The following TRPM3 variants were observed in gnomAD, a reference collection of about 807,000 sequenced individuals.
TRPM3 encodes long transient receptor potential channel 3.
A neutral mutation model predicts 181.2 loss-of-function variants in TRPM3; 77 were observed. The ratio of observed to expected loss-of-function variants is 0.42; its 90% CI spans 0.35 to 0.51. TRPM3 has a LOEUF of 0.51. TRPM3 is among the 20% of genes least tolerant of loss of function. TRPM3 has a pLI of 0.01. For missense variants in TRPM3, 1,759 were observed against 2,196.7 expected (o/e 0.80, Z 3.98); for synonymous variants, 745 against 796.4 (o/e 0.94, Z 1.09).
intron 22 of TRPM3, among the ~76,000 whole-genome samples, chr9:70,582,183 T>TGTGTGTGC (rs1554762593): frequency 2.7e-4 from 7 of 26,344 alleles, no homozygotes; most frequent in African/African-American, 4.7e-4. Flanking sequence ...ACCCTGTGCG[T>TGTGTGTGC]GTGTGTGTGT....
chr9:70,790,483 T>C (rs2085106937), intron 6 of TRPM3, among the ~76,000 whole-genome samples: 1 of 152,142 alleles, frequency 6.6e-6, no homozygotes, highest in Admixed American at 6.6e-5. Context: ...AGCTCCAGGG[T>C]TATGTGATTT....
chr9:70,575,153 C>T (rs1936671787), intron 22 of TRPM3, among the ~76,000 whole-genome samples: 1 of 148,442 alleles, frequency 6.7e-6, no homozygotes, highest in Non-Finnish European at 1.5e-5. Flanking sequence ...CGTATATTTC[C>T]AGGCTGGTCT....
At chr9:70,754,140 G>C (rs1749141254) in intron 8 of TRPM3, among the ~76,000 whole-genome samples, 1 of 152,180 alleles carries the variant, frequency 6.6e-6, no homozygotes, top group South Asian at 2.1e-4. Flanking sequence ...GGAGCTCCAG[G>C]AGGCAGCAGC....
At chr9:71,301,894 T>C (rs2086810976) in intron 1 of TRPM3, among the ~76,000 whole-genome samples, 1 of 152,168 alleles carries the variant, frequency 6.6e-6, no homozygotes, top group Admixed American at 6.5e-5. Context: ...TTCCTTTCTA[T>C]TTCTGTGGAA....
intron 1 of TRPM3, among the ~76,000 whole-genome samples, chr9:70,900,441 A>G (rs1329471738): frequency 6.6e-6 from 1 of 152,210 alleles, no homozygotes; most frequent in Non-Finnish European, 1.5e-5. Flanking sequence ...AATTCAAGGC[A>G]CAAACAAGGA....
At chr9:71,101,441 C>T (rs1298888282) in intron 1 of TRPM3, among the ~76,000 whole-genome samples, 1 of 152,000 alleles carries the variant, frequency 6.6e-6, no homozygotes, top group Non-Finnish European at 1.5e-5. Context: ...TTCTAATGAC[C>T]GAAGGGAAGG....
At position 71,224,242 on chromosome 9, in the gene TRPM3, A is replaced by T. The variant is rs1354446664; in HGVS notation, c.183+222411T>A. Among the ~76,000 whole-genome samples the T allele has an allele frequency of 2.0e-5, 3 of 152,354 alleles. No individual in the cohort carries two copies. The East Asian group carries it at 5.8e-4, about 29-fold the overall frequency. On this transcript the variant is annotated intron_variant, in intron 1 of 24. Coordinates refer to the TRPM3 transcript ENST00000357533. ...GAGAAAGTAAGGGAAGAAAACAAGA[A>T]TCTGCATCTGGTAATCCAGAGAATT...
At chr9:70,997,051 T>C (rs1379967625) in intron 1 of TRPM3, among the ~76,000 whole-genome samples, 2 of 152,232 alleles carry the variant, frequency 1.3e-5, no homozygotes, top group Non-Finnish European at 2.9e-5. Flanking sequence ...GAATATGGTT[T>C]GTTGCTCGCA....
At chr9:70,545,210 A>T (rs1043093871) in intron 25 of TRPM3, among the ~76,000 whole-genome samples, 1 of 152,220 alleles carries the variant, frequency 6.6e-6, no homozygotes, top group Non-Finnish European at 1.5e-5. Context: ...TTTCCGTTAT[A>T]CCATGGAGAG....
chr9:70,697,069 C>A (rs1039607396), intron 8 of TRPM3, among the ~76,000 whole-genome samples: 1 of 152,120 alleles, frequency 6.6e-6, no homozygotes, highest in Non-Finnish European at 1.5e-5. Context: ...AGCAAAGCAG[C>A]GTCCTTTGTC....
intron 1 of TRPM3, among the ~76,000 whole-genome samples, chr9:71,007,068 G>GA (rs1214741785): frequency 1.5e-5 from 1 of 65,742 alleles, no homozygotes; most frequent in Non-Finnish European, 2.9e-5. Flanking sequence ...AAAAAAGAAA[G>GA]AAAAAAAAGA....
chr9:71,317,426 G>A (rs952994629), intron 1 of TRPM3, among the ~76,000 whole-genome samples: 14 of 152,210 alleles, frequency 9.2e-5, no homozygotes, highest in East Asian at 3.9e-4. Flanking sequence ...GATTGCTTGC[G>A]CATGGGAGTT....
chr9:70,633,004 T>TCTAA (rs1398022074), intron 12 of TRPM3, among the ~76,000 whole-genome samples: 3 of 152,186 alleles, frequency 2.0e-5, no homozygotes, highest in African/African-American at 7.2e-5. Flanking sequence ...CTCAGTGAAA[T>TCTAA]CTAACTGCAA....
intron 1 of TRPM3, among the ~76,000 whole-genome samples, chr9:70,963,151 G>A (rs767756272): frequency 2.0e-5 from 3 of 152,112 alleles, no homozygotes; most frequent in Non-Finnish European, 2.9e-5. Flanking sequence ...TCAATCCACC[G>A]TTATCATTAG....
rs184245926 is a variant in TRPM3 at position 70,873,885 on chromosome 9, C to T, written c.178-9374G>A. Among the ~76,000 whole-genome samples, 703 of 152,048 alleles carry T rather than the reference C, an allele frequency of 4.6e-3. 3 individuals carry two copies. Among genetic ancestry groups the T allele is most frequent in the African/African-American group, 0.016 (649 of 41,506 alleles). On this transcript the variant is annotated intron_variant, in intron 1 of 25. Coordinates refer to ENST00000677713, the MANE Select transcript of TRPM3 (RefSeq NM_001366145.2). ...TTCACCTAGAACACTTCCCTTCTTC[C>T]TTCTCCTATTTTTATCATTATTTGG...
chr9:70,771,914 G>C (rs1007342125), intron 7 of TRPM3, among the ~76,000 whole-genome samples: 1 of 152,138 alleles, frequency 6.6e-6, no homozygotes, highest in Non-Finnish European at 1.5e-5. Context: ...TAAAATAAAG[G>C]CTCCACAAAG....
intron 1 of TRPM3, among the ~76,000 whole-genome samples, chr9:70,990,092 T>G (rs547779534): frequency 1.6e-4 from 24 of 152,294 alleles, no homozygotes; most frequent in Admixed American, 3.9e-4. Flanking sequence ...ACATAGCTAA[T>G]AAGTGGAGGA....
chr9:71,022,869 A>G (rs1050231953), intron 1 of TRPM3, among the ~76,000 whole-genome samples: 2 of 152,138 alleles, frequency 1.3e-5, no homozygotes, highest in Admixed American at 6.5e-5. Context: ...GATTACAGAT[A>G]TATATGTAAA....
chr9:71,172,334 A>G (rs2134815966), intron 1 of TRPM3, among the ~76,000 whole-genome samples: 1 of 152,266 alleles, frequency 6.6e-6, no homozygotes, highest in Admixed American at 6.5e-5. Flanking sequence ...AACAAACAAA[A>G]CAAACAGAAT....
Sources: gnomAD v4.1 joint callset for allele counts (sites outside exome capture counted in the v4.1 genomes callset) on GRCh38, gnomAD v4.1.1 for gene constraint, MANE v1.5 for transcripts, NCBI Gene and HGNC (gene_info 2026-07-23, HGNC 2026-07-21) for gene names.